TENM3: variants seen among roughly 807,000 people sequenced by gnomAD.
TENM3 encodes teneurin transmembrane protein 3.
TENM3 carries 63 observed loss-of-function variants against 255.1 expected under a neutral mutation model. That is an observed-to-expected ratio of 0.25 (90% CI 0.20 to 0.30). The LOEUF (loss-of-function observed/expected upper bound fraction) is 0.30. Among genes scored for constraint, TENM3 ranks in the 10% least tolerant of loss-of-function variants. The pLI, the probability that TENM3 is intolerant of heterozygous loss-of-function variation, is 1.00. For synonymous variants in TENM3, 1,306 were observed against 1,322.3 expected, an observed-to-expected ratio of 0.99 and a Z score of 0.27; for missense variants, 2,929 against 3,461.1, an observed-to-expected ratio of 0.85 and a Z score of 3.86.
At chr4:181,726,928 A>C in the TENM3 span, among the ~76,000 whole-genome samples, 109,875 of 152,090 alleles carry the variant, frequency 0.72, 40,640 homozygotes, top group East Asian at 0.83. Flanking sequence ...TCAGGGAAAC[A>C]CTTACTTACA....
the TENM3 span, among the ~76,000 whole-genome samples, chr4:181,767,103 T>C: frequency 6.7e-5 from 9 of 135,336 alleles, no homozygotes; most frequent in Non-Finnish European, 1.6e-5. Context: ...ATACAAAAAA[T>C]TAGCAGGGCG....
chr4:181,819,281 C>A, the TENM3 span, among the ~76,000 whole-genome samples: 1 of 151,918 alleles, frequency 6.6e-6, no homozygotes, highest in Non-Finnish European at 1.5e-5. Flanking sequence ...CTAGTCCCAC[C>A]CAAAACGAGA....
chr4:182,101,322 T>C, the TENM3 span, among the ~76,000 whole-genome samples: 4 of 42,630 alleles, frequency 9.4e-5, no homozygotes, highest in African/African-American at 3.8e-4. Flanking sequence ...AAGGAAAGAA[T>C]GGAGGGAGGA....
the TENM3 span, among the ~76,000 whole-genome samples, chr4:181,856,891 G>A: frequency 1.4e-4 from 21 of 152,284 alleles, no homozygotes; most frequent in African/African-American, 4.8e-4. Flanking sequence ...TGGTTATAGC[G>A]ACAGGCAGAC....
At chr4:181,495,886 G>T in the TENM3 span, among the ~76,000 whole-genome samples, 3 of 140,836 alleles carry the variant, frequency 2.1e-5, no homozygotes, top group Non-Finnish European at 3.1e-5. Context: ...CTTTGGAAGG[G>T]TAGGAAGAGA....
At chr4:182,762,826 A>G (rs1281537670) in intron 22 of TENM3, among the ~76,000 whole-genome samples, 1 of 152,100 alleles carries the variant, frequency 6.6e-6, no homozygotes, top group East Asian at 1.9e-4. Flanking sequence ...ACTATCATCT[A>G]CATGCTTCAA....
At chr4:182,404,540 G>A (rs1197227187) in intron 3 of TENM3, among the ~76,000 whole-genome samples, 3 of 152,114 alleles carry the variant, frequency 2.0e-5, no homozygotes, top group Non-Finnish European at 4.4e-5. Flanking sequence ...ATCAGAGTGC[G>A]GAGAACTGGA....
chr4:182,092,964 C>A, the TENM3 span, among the ~76,000 whole-genome samples: 1 of 152,202 alleles, frequency 6.6e-6, no homozygotes, highest in African/African-American at 2.4e-5. Flanking sequence ...TCCTTGTCCA[C>A]TGTGTGCCCA....
chr4:182,510,734 C>A (rs1225957431), intron 3 of TENM3, among the ~76,000 whole-genome samples: 5 of 152,242 alleles, frequency 3.3e-5, no homozygotes, highest in South Asian at 4.1e-4. Context: ...ATTGTCTTAA[C>A]CATAAAGCTT....
chr4:181,718,409 G>T, the TENM3 span, among the ~76,000 whole-genome samples: 13 of 152,026 alleles, frequency 8.6e-5, no homozygotes, highest in African/African-American at 2.9e-4. Context: ...GTCACCCAAC[G>T]TTCAGTTTGA....
At chr4:181,576,776 C>G in the TENM3 span, among the ~76,000 whole-genome samples, 1 of 150,072 alleles carries the variant, frequency 6.7e-6, no homozygotes, top group Non-Finnish European at 1.5e-5. Flanking sequence ...CCACTCTTTT[C>G]CTTTCCGGAT....
intron 1 of TENM3, among the ~76,000 whole-genome samples, chr4:182,180,742 C>T (rs1752789856): frequency 1.3e-5 from 2 of 151,334 alleles, no homozygotes; most frequent in South Asian, 4.2e-4. Context: ...TCCCAAAGTA[C>T]TGGGATTACA....
chr4:181,512,616 C>T, the TENM3 span, among the ~76,000 whole-genome samples: 2 of 152,322 alleles, frequency 1.3e-5, no homozygotes, highest in South Asian at 2.1e-4. Flanking sequence ...TCGTCGCTAA[C>T]TCATTTGTCA....
At chr4:182,254,250 G>C (rs1377961304) in intron 1 of TENM3, among the ~76,000 whole-genome samples, 1 of 151,854 alleles carries the variant, frequency 6.6e-6, no homozygotes, top group Non-Finnish European at 1.5e-5. Flanking sequence ...GCTTCTTACA[G>C]TTCTCTAAGG....
the TENM3 span, among the ~76,000 whole-genome samples, chr4:181,872,805 T>G: frequency 6.6e-6 from 1 of 152,192 alleles, no homozygotes; most frequent in South Asian, 2.1e-4. Context: ...TGTTCTTACT[T>G]CTGGAGCCTT....
the TENM3 span, among the ~76,000 whole-genome samples, chr4:181,568,528 C>G: frequency 3.9e-5 from 6 of 152,014 alleles, no homozygotes; most frequent in Non-Finnish European, 8.8e-5. Context: ...TTGGGGTCCA[C>G]GTATCCTCAT....
chr4:181,538,905 G>A, the TENM3 span, among the ~76,000 whole-genome samples: 2 of 152,124 alleles, frequency 1.3e-5, no homozygotes, highest in East Asian at 1.9e-4. Context: ...TGGTTTAGTT[G>A]TTTAATTATG....
chr4:181,470,108 T>TAAAAAAAAAAAAAAAAAAAAAAAAA, the TENM3 span, among the ~76,000 whole-genome samples: 8 of 112,744 alleles, frequency 7.1e-5, no homozygotes, highest in African/African-American at 2.6e-4. Flanking sequence ...ATAGCTTCTG[T>TAAAAAAAAAAAAAAAAAAAAAAAAA]AAAAAAAAAA....
chr4:182,626,284 A>C (rs531891866), intron 4 of TENM3, among the ~76,000 whole-genome samples: 6 of 152,300 alleles, frequency 3.9e-5, no homozygotes, highest in African/African-American at 1.4e-4. Flanking sequence ...CCAGGGAATT[A>C]ATTTTGTACA....
Sources: gnomAD v4.1 joint callset for allele counts (sites outside exome capture counted in the v4.1 genomes callset) on GRCh38, gnomAD v4.1.1 for gene constraint, MANE v1.5 for transcripts, NCBI Gene and HGNC (gene_info 2026-07-23, HGNC 2026-07-21) for gene names.